Variants in SHANK2 observed in about 807,000 individuals in gnomAD.
SHANK2 encodes the protein SH3 and multiple ankyrin repeat domains 2, also known as SH3 and multiple ankyrin repeat domains protein 2.
A neutral mutation model predicts 133.7 loss-of-function variants in SHANK2; 43 were observed. The ratio of observed to expected loss-of-function variants is 0.32; its 90% CI spans 0.25 to 0.41. The LOEUF is 0.41. Ranked by LOEUF, SHANK2 falls within the 10% of genes least tolerant of loss-of-function variation. The pLI is 1.00. For missense variants in SHANK2, 1,994 were observed against 2,235.8 expected, an observed-to-expected ratio of 0.89 and a Z score of 2.18; for synonymous variants, 1,017 against 952.8, an observed-to-expected ratio of 1.07 and a Z score of -1.24.
At chr11:70,949,968 G>A (rs1210986269) in intron 10 of SHANK2, 8 of 432,592 alleles carry the variant, frequency 1.8e-5, no homozygotes, top group African/African-American at 4.1e-5. Context: ...TCAAGGAGCC[G>A]GTAGGTGCGG....
chr11:70,586,265 G>A (rs927514268), intron 17 of SHANK2, among the ~76,000 whole-genome samples: 56 of 152,186 alleles, frequency 3.7e-4, no homozygotes, highest in African/African-American at 1.3e-3. Context: ...TGTGAGGTGG[G>A]CAGTGGGGGC....
chr11:70,685,397 AC>A (rs1415027630), intron 15 of SHANK2, among the ~76,000 whole-genome samples: 1 of 152,042 alleles, frequency 6.6e-6, no homozygotes, highest in Non-Finnish European at 1.5e-5. Context: ...CAGCTGTTAT[AC>A]CAGGCATTAG....
chr11:70,749,337 AG>A (rs1555036980), intron 14 of SHANK2, among the ~76,000 whole-genome samples: 2 of 152,246 alleles, frequency 1.3e-5, no homozygotes. Context: ...AAAGGAGTGG[AG>A]CAAAAGCTTA....
At chr11:70,941,071 G>C (rs1437347973) in intron 10 of SHANK2, among the ~76,000 whole-genome samples, 1 of 152,174 alleles carries the variant, frequency 6.6e-6, no homozygotes, top group Non-Finnish European at 1.5e-5. Context: ...TTTGGTGTCT[G>C]ATAGTCCCCA....
intron 25 of SHANK2, among the ~76,000 whole-genome samples, chr11:70,478,669 G>T (rs892013808): frequency 6.6e-6 from 1 of 152,220 alleles, no homozygotes; most frequent in Admixed American, 6.5e-5. Flanking sequence ...TTGTGTCTCA[G>T]CAGCTGCCAG....
chr11:70,924,958 C>A (rs1950406713), intron 10 of SHANK2, among the ~76,000 whole-genome samples: 2 of 152,172 alleles, frequency 1.3e-5, no homozygotes, highest in Admixed American at 1.3e-4. Flanking sequence ...CCCTCCCTTC[C>A]CATCACCATC....
At chr11:70,643,567 GAAAAA>G (rs536391581) in intron 17 of SHANK2, among the ~76,000 whole-genome samples, 2 of 92,298 alleles carry the variant, frequency 2.2e-5, no homozygotes, top group African/African-American at 3.6e-5. Flanking sequence ...CTCCGTCTCG[GAAAAA>G]AAAAAAAAAA....
At chr11:70,950,449 C>A (rs556796359) in intron 10 of SHANK2, among the ~76,000 whole-genome samples, 7 of 152,306 alleles carry the variant, frequency 4.6e-5, no homozygotes, top group South Asian at 4.1e-4. Flanking sequence ...CTTCAGCCCC[C>A]CAAAGTGCTG....
chr11:70,718,700 CTTTTT>C (rs60414874), intron 14 of SHANK2, among the ~76,000 whole-genome samples: 1 of 129,814 alleles, frequency 7.7e-6, no homozygotes, highest in African/African-American at 3.2e-5. Context: ...AGCTCATTCT[CTTTTT>C]TTTTTTTTGA....
chr11:71,093,649 T>C (rs1420309462), intron 7 of SHANK2, among the ~76,000 whole-genome samples: 1 of 152,216 alleles, frequency 6.6e-6, no homozygotes, highest in Admixed American at 6.5e-5. Context: ...GATTGGAAAC[T>C]TCCTGAGGCC....
chr11:70,718,423 G>A (rs904936739), intron 14 of SHANK2, among the ~76,000 whole-genome samples: 8 of 152,154 alleles, frequency 5.3e-5, no homozygotes, highest in Non-Finnish European at 1.0e-4. Flanking sequence ...CCTTCCTCTG[G>A]GCAGTGGGTC....
At chr11:71,207,590 A>G (rs112255142) in intron 2 of SHANK2, among the ~76,000 whole-genome samples, 15 of 152,256 alleles carry the variant, frequency 9.9e-5, no homozygotes, top group South Asian at 8.3e-4. Context: ...TCTTCTTTCC[A>G]AGAAAAGGGG....
intron 1 of SHANK2, among the ~76,000 whole-genome samples, chr11:71,246,179 T>A (rs1164893369): frequency 6.6e-6 from 1 of 152,002 alleles, no homozygotes; most frequent in African/African-American, 2.4e-5. Flanking sequence ...GAAGTCTGTG[T>A]CAGCTCCAGG....
intron 3 of SHANK2, among the ~76,000 whole-genome samples, chr11:71,128,420 A>G (rs1308176533): frequency 6.6e-6 from 1 of 152,150 alleles, no homozygotes; most frequent in Admixed American, 6.5e-5. Context: ...CTTCTCCCTT[A>G]TCTCCAGAAA....
At chr11:71,069,784 G>A (rs1203416146) in intron 9 of SHANK2, among the ~76,000 whole-genome samples, 5 of 152,144 alleles carry the variant, frequency 3.3e-5, no homozygotes, top group Non-Finnish European at 7.4e-5. Flanking sequence ...CTTCCTCAGG[G>A]CTGCCTCCTG....
At chr11:70,951,964 G>A (rs763116783) in intron 10 of SHANK2, among the ~76,000 whole-genome samples, 2 of 152,222 alleles carry the variant, frequency 1.3e-5, no homozygotes, top group East Asian at 1.9e-4. Context: ...GCATGAGGTC[G>A]TCTTAACTCA....
chr11:70,556,592 T>TC (rs2059834366), intron 17 of SHANK2, among the ~76,000 whole-genome samples: 3 of 28,746 alleles, frequency 1.0e-4, no homozygotes, highest in Non-Finnish European at 2.5e-4. Context: ...ATTTTTTTCT[T>TC]TTTTTTTTTT....
chr11:70,632,950 G>A (rs1555002754), intron 17 of SHANK2, among the ~76,000 whole-genome samples: 1 of 151,988 alleles, frequency 6.6e-6, no homozygotes, highest in African/African-American at 2.4e-5. Flanking sequence ...CCCTTGCATG[G>A]AGCGTTGATG....
rs1471456855 is a variant in SHANK2 at position 71,090,290 on chromosome 11, T to C, written c.912+2132A>G. ...GTGTGTGTGTGTGTGTGTGTGTGTGTGTCCTGCTGCTTCTACATTCAGGGT... is the reference window on the plus strand; with the variant it reads ...GTGTGTGTGTGTGTGTGTGTGTGTGCGTCCTGCTGCTTCTACATTCAGGGT... On this transcript the variant is annotated intron_variant, in intron 8 of 25. Transcript: ENST00000601538. Among the ~76,000 whole-genome samples, 57 of 74,032 alleles carry C rather than the reference T, an allele frequency of 7.7e-4. 2 individuals are homozygous for C. The highest frequency in any genetic ancestry group is 1.3e-3 in the Non-Finnish European group (48 of 35,730). 48.6% of individuals were successfully genotyped at this position (74,032 alleles called of 152,430 possible). A position where few individuals can be genotyped will look rare whatever the true frequency, so the allele number is the denominator to read the frequency against.
Sources: gnomAD v4.1 joint callset for allele counts (sites outside exome capture counted in the v4.1 genomes callset) on GRCh38, gnomAD v4.1.1 for gene constraint, MANE v1.5 for transcripts, NCBI Gene and HGNC (gene_info 2026-07-23, HGNC 2026-07-21) for gene names.